DNAAF11: variants seen among roughly 807,000 people sequenced by gnomAD.
The protein encoded by DNAAF11 is dynein axonemal assembly factor 11.
Under a neutral mutation model 60.8 loss-of-function variants are expected in DNAAF11, and 45 were observed. That is an observed-to-expected ratio of 0.74 (90% CI 0.58 to 0.95). DNAAF11 has a LOEUF of 0.95. DNAAF11 is among the 40% of genes least tolerant of loss of function. The pLI, the probability that DNAAF11 is intolerant of heterozygous loss-of-function variation, is 0.00. For synonymous variants in DNAAF11, 191 were observed against 183.5 expected (o/e 1.04, Z -0.33); for missense variants, 546 against 546.2 (o/e 1.00, Z 0.00).
rs540336063 is a variant in DNAAF11, at chr8:132,659,988, C to T, written c.178+1472G>A. ...AATGCCCCTGTTGTGAACCACTGCA[C>T]ATCATCACGGGAAGTTAAATATGAT... On this transcript the variant is annotated intron_variant, in intron 2 of 11. Transcript: ENST00000620350. 3.9e-5 allele frequency among the ~76,000 whole-genome samples: 6 copies of T among 152,298 alleles called. No individual in the cohort carries two copies. In the South Asian group the frequency reaches 8.3e-4, roughly 21 times the overall value.
chr8:132,591,006 AGATT>A (rs1816404734), intron 10 of DNAAF11, among the ~76,000 whole-genome samples: 1 of 152,218 alleles, frequency 6.6e-6, no homozygotes, highest in South Asian at 2.1e-4. Flanking sequence ...TTGAATAGTT[AGATT>A]GTTTCCAATT....
chr8:132,654,447 T>C (rs1823334106), intron 3 of DNAAF11, among the ~76,000 whole-genome samples: 2 of 151,872 alleles, frequency 1.3e-5, no homozygotes, highest in Admixed American at 1.3e-4. Context: ...TTTAGAACAA[T>C]AAACCCAAGA....
At chr8:132,679,940 A>T (rs1024976033), upstream of DNAAF11, among the ~76,000 whole-genome samples, 1 of 152,148 alleles carries the variant, frequency 6.6e-6, no homozygotes, top group Non-Finnish European at 1.5e-5. Flanking sequence ...ACAGAATAAT[A>T]CAAGCAGAGA....
At chr8:132,640,566 A>G (rs1167919963) in intron 3 of DNAAF11, among the ~76,000 whole-genome samples, 1 of 152,152 alleles carries the variant, frequency 6.6e-6, no homozygotes, top group African/African-American at 2.4e-5. Context: ...TTTTGGTTTT[A>G]GACATGAATT....
chr8:132,637,661 G>A (rs1057256534), intron 4 of DNAAF11, among the ~76,000 whole-genome samples: 6 of 151,778 alleles, frequency 4.0e-5, no homozygotes, highest in South Asian at 2.1e-4. Flanking sequence ...AATGTTCTTC[G>A]TAACTATGAT....
At chr8:132,674,428 TAAAA>T (rs35122865) in intron 1 of DNAAF11, among the ~76,000 whole-genome samples, 2 of 152,148 alleles carry the variant, frequency 1.3e-5, no homozygotes, top group Non-Finnish European at 1.5e-5. Flanking sequence ...TCTCTTGATT[TAAAA>T]AAAGTTAATT....
At chr8:132,687,546 G>C in the DNAAF11 span, 4 of 453,844 alleles carry the variant, frequency 8.8e-6, no homozygotes, top group Admixed American at 9.5e-5. Flanking sequence ...AACAGGTTCC[G>C]TCATCAGAAG....
intron 8 of DNAAF11, 91 bp downstream of exon 8, chr8:132,614,947 T>C (rs754771874): frequency 2.6e-6 from 2 of 762,844 alleles, no homozygotes; most frequent in South Asian, 1.8e-5. Context: ...TCTAAGTCAA[T>C]TCCATTTCAA....
intron 3 of DNAAF11, among the ~76,000 whole-genome samples, chr8:132,649,490 T>C (rs1350494181): frequency 6.6e-6 from 1 of 152,090 alleles, no homozygotes; most frequent in Non-Finnish European, 1.5e-5. Context: ...CCAAAAGCAA[T>C]GGCAACAAAA....
rs1342463280 is a variant in DNAAF11, at chr8:132,605,719, G to T, written c.1140+4447C>A. Among the ~76,000 whole-genome samples the T allele has an allele frequency of 3.3e-5, 5 of 152,342 alleles. No homozygotes were observed. In the East Asian group the frequency reaches 9.6e-4, roughly 29 times the overall value. ...CAGAATGCTGAGGTTGGGAGGAGATGTTTTGTAAATATGGGTATCAGGAAG... is the reference window on the plus strand; with the variant it reads ...CAGAATGCTGAGGTTGGGAGGAGATTTTTTGTAAATATGGGTATCAGGAAG... On this transcript the variant is annotated intron_variant, in intron 10 of 11. Transcript: ENST00000620350.
Position 132,654,632 on chromosome 8 carries a change from A to T in DNAAF11, c.256+2198T>A, listed in dbSNP as rs563593094. On this transcript the variant is annotated intron_variant, in intron 3 of 11. Transcript: ENST00000620350. ...AATCAGTAAAATGAGAAAATGTGGG[A>T]AAGTCACAAAGATGTGGAAATTAAA... Among the ~76,000 whole-genome samples the T allele has an allele frequency of 5.3e-5, 8 of 152,096 alleles. No individual in the cohort carries two copies. In the South Asian group the frequency reaches 1.7e-3, roughly 32 times the overall value.
At chr8:132,598,989 G>T (rs187470393) in intron 10 of DNAAF11, among the ~76,000 whole-genome samples, 1 of 152,096 alleles carries the variant, frequency 6.6e-6, no homozygotes, top group Non-Finnish European at 1.5e-5. Flanking sequence ...CCAGGAGCTG[G>T]TTTTTTGAAA....
intron 10 of DNAAF11, among the ~76,000 whole-genome samples, chr8:132,606,327 T>A (rs1338845072): frequency 2.0e-5 from 3 of 152,134 alleles, no homozygotes; most frequent in African/African-American, 4.8e-5. Flanking sequence ...TTAAAAAAAA[T>A]AATGTTGTCC....
At chr8:132,640,391 T>C (rs1280774150) in intron 3 of DNAAF11, among the ~76,000 whole-genome samples, 3 of 152,182 alleles carry the variant, frequency 2.0e-5, no homozygotes, top group Non-Finnish European at 2.9e-5. Flanking sequence ...GATTTCCAAA[T>C]GATAACCCAC....
At chr8:132,600,865 A>C (rs1421752234) in intron 10 of DNAAF11, among the ~76,000 whole-genome samples, 4 of 152,232 alleles carry the variant, frequency 2.6e-5, no homozygotes, top group African/African-American at 9.6e-5. Flanking sequence ...AGGCATGGGC[A>C]AGGACTTCAT....
rs1564019194 is a variant in DNAAF11, at chr8:132,610,188, T to TG, written c.1117dup (p.His373ProfsTer49). On this transcript the variant is annotated frameshift_variant, in exon 10 of 12. Transcript: ENST00000620350. LOFTEE classifies it high-confidence loss of function. ...TACCTTGGGCATGCAGATGACCAAA[T>TG]GACCCGTTGTCTGAGATCTTTTAGC... The TG allele has an allele frequency of 6.2e-7, 1 of 1,613,874 alleles. No homozygotes were observed. The highest frequency in any genetic ancestry group is 8.5e-7 in the Non-Finnish European group (1 of 1,179,908).
Position 132,625,306 on chromosome 8 carries a change from T to C in DNAAF11, c.802A>G (p.Met268Val). 4 of 1,605,376 alleles carry C rather than the reference T, an allele frequency of 2.5e-6. No homozygotes were observed. The highest frequency in any genetic ancestry group is 1.7e-4 in the Middle Eastern group (1 of 6,030). ...PESRLETLRH[M>V]EKQRKKQEKL... The stretch of plus-strand genomic sequence containing the variant: ...TCCTGTTTCTTCCGTTGTTTTTCCA[T>C]GTGTCTAAGAGTTTCCAATCTTGAT... Residue 268 changes from methionine to valine, a missense_variant, in exon 6 of 12, where the codon ATG becomes GTG. Met to Val is a conservative substitution (Grantham distance 21, BLOSUM62 1). Transcript: ENST00000620350.
Position 132,671,856 on chromosome 8 carries a change from C to T in DNAAF11, c.10+3628G>A, listed in dbSNP as rs575264302. Among the ~76,000 whole-genome samples, 4 of 150,276 alleles carry T rather than the reference C, an allele frequency of 2.7e-5. No homozygotes were observed. The East Asian group carries it at 7.8e-4, about 29-fold the overall frequency. On this transcript the variant is annotated intron_variant, in intron 1 of 11. Coordinates refer to ENST00000620350, the MANE Select transcript of DNAAF11 (RefSeq NM_012472.6). ...CAACAATGTAATCTACATCTCACATCATATACAAAAATTGAGTCAAATGAA... is the reference window on the plus strand; with the variant it reads ...CAACAATGTAATCTACATCTCACATTATATACAAAAATTGAGTCAAATGAA...
At chr8:132,700,760 G>A in the DNAAF11 span, among the ~76,000 whole-genome samples, 1 of 152,252 alleles carries the variant, frequency 6.6e-6, no homozygotes, top group African/African-American at 2.4e-5. Context: ...TCGTCCCCAA[G>A]GTTTGGGGTC....
Sources: gnomAD v4.1 joint callset for allele counts (sites outside exome capture counted in the v4.1 genomes callset) on GRCh38, gnomAD v4.1.1 for gene constraint, MANE v1.5 for transcripts, NCBI Gene and HGNC (gene_info 2026-07-23, HGNC 2026-07-21) for gene names.